PRKDC: variants seen among roughly 807,000 people sequenced by gnomAD.
PRKDC encodes protein kinase, DNA-activated, catalytic subunit.
A neutral mutation model predicts 486.9 loss-of-function variants in PRKDC; 82 were observed. The observed-to-expected ratio is 0.17, with a 90% CI of 0.14 to 0.20. The LOEUF (loss-of-function observed/expected upper bound fraction) is 0.20. Among genes scored for constraint, PRKDC ranks in the 10% least tolerant of loss-of-function variants. PRKDC has a pLI of 1.00. For missense variants in PRKDC, 4,504 were observed against 5,038.2 expected (o/e 0.89, Z 3.21); for synonymous variants, 1,895 against 1,837.0 (o/e 1.03, Z -0.81).
chr8:47,850,176 T>A (rs1432107897), intron 52 of PRKDC, among the ~76,000 whole-genome samples: 2 of 152,182 alleles, frequency 1.3e-5, no homozygotes, highest in African/African-American at 4.8e-5. Context: ...TAGAGTCCAC[T>A]GGCAGGAAGC....
chr8:47,774,883 C>T (rs1050368795), intron 85 of PRKDC, among the ~76,000 whole-genome samples: 1 of 152,092 alleles, frequency 6.6e-6, no homozygotes, highest in Non-Finnish European at 1.5e-5. Flanking sequence ...CTGCCTTGGC[C>T]TCCCAAAGTG....
At chr8:47,841,415 C>A (rs1389525918) in intron 54 of PRKDC, among the ~76,000 whole-genome samples, 3 of 152,164 alleles carry the variant, frequency 2.0e-5, no homozygotes, top group Non-Finnish European at 2.9e-5. Context: ...TATCTGTCAA[C>A]TTCCCAGGCA....
chr8:47,904,888 G>A lies in PRKDC; in HGVS notation c.3023C>T (p.Ala1008Val), dbSNP rs2154502450. The change falls in exon 26 of 86, where the codon GCC becomes GTC. Residue 1008 changes from alanine (A) to valine (V), a missense_variant. Ala to Val is a moderately conservative substitution (Grantham distance 64, BLOSUM62 0). Coordinates refer to ENST00000314191, the MANE Select transcript of PRKDC (RefSeq NM_006904.7). ...ACTTACCAATATAGCTTCTAGTAAG[G>A]CAACAGTATCCTGACTTTCAAATTT... Reference protein sequence around the residue: ...NKKFESQDTVALLEAILDGIV... With the variant: ...NKKFESQDTVVLLEAILDGIV... The A allele has an allele frequency of 6.2e-7, 1 of 1,608,632 alleles. No homozygotes were observed. The highest frequency in any genetic ancestry group is 2.2e-5 in the East Asian group (1 of 44,788).
In PRKDC at chr8:47,889,316, C is replaced by CTAAG. The variant is rs2089406306; in HGVS notation, c.4072-98_4072-95dup. On this transcript the variant is annotated intron_variant, in intron 32 of 85. Transcript: ENST00000314191. ...CACAAGGTTGGGAACTTCTGCCTGA[C>CTAAG]TAAGGGAGAGGTGGGCAGAGTTTCT... The CTAAG allele has an allele frequency of 9.3e-6, 10 of 1,080,078 alleles. No individual in the cohort carries two copies. The South Asian group carries it at 1.4e-4, about 15-fold the overall frequency. The allele number at this position is 1,080,078 out of a possible 1,614,324, so 66.9% of individuals were successfully genotyped here.
intron 69 of PRKDC, among the ~76,000 whole-genome samples, chr8:47,804,153 A>C (rs1016356296): frequency 1.3e-5 from 2 of 152,172 alleles, no homozygotes; most frequent in African/African-American, 4.8e-5. Flanking sequence ...TTCTGTAACA[A>C]TGGTATCAGA....
chr8:47,929,426 C>T (rs2090212351), intron 18 of PRKDC, among the ~76,000 whole-genome samples: 1 of 152,238 alleles, frequency 6.6e-6, no homozygotes. Context: ...CCTCATCTCA[C>T]CCTGTAATTA....
intron 59 of PRKDC, among the ~76,000 whole-genome samples, chr8:47,833,600 C>G (rs1029048020): frequency 7.2e-5 from 11 of 152,112 alleles, no homozygotes; most frequent in African/African-American, 2.2e-4. Flanking sequence ...TTCCTCTGCT[C>G]GGTGCGTTAC....
intron 11 of PRKDC, 106 bp from the exon 12 acceptor site, chr8:47,936,623 C>A: frequency 3.7e-6 from 5 of 1,339,744 alleles, no homozygotes; most frequent in Non-Finnish European, 5.1e-6. Flanking sequence ...TTTAACAAGG[C>A]TTCTTTTTTT....
At chr8:47,922,234 G>A (rs1214373471) in intron 21 of PRKDC, among the ~76,000 whole-genome samples, 3 of 151,940 alleles carry the variant, frequency 2.0e-5, no homozygotes, top group African/African-American at 7.3e-5. Context: ...CCAGGCTTGA[G>A]CAATCCTCCC....
rs1362139770 is a variant in PRKDC, at chr8:47,888,585, G to A, written c.4346C>T (p.Ala1449Val). The A allele has an allele frequency of 2.5e-6, 4 of 1,589,812 alleles. No individual in the cohort carries two copies. Among genetic ancestry groups the A allele is most frequent in the Non-Finnish European group, 3.4e-6 (4 of 1,167,616 alleles). Residue 1449 changes from alanine (A) to valine (V), a missense_variant, in exon 34 of 86, where the codon GCT becomes GTT. Ala to Val is a moderately conservative substitution (Grantham distance 64, BLOSUM62 0). Coordinates refer to ENST00000314191, the MANE Select transcript of PRKDC (RefSeq NM_006904.7). ...CTGTTTACAGGCAGACACAACAGCA[G>A]CCAGCCTGCTCCTGTCCACTTGCGC... The part of the protein sequence containing the change: ...PDAQVDRSRL[A>V]AVVSACKQLH...
intron 68 of PRKDC, among the ~76,000 whole-genome samples, chr8:47,816,255 C>T (rs1330150640): frequency 6.6e-6 from 1 of 152,056 alleles, no homozygotes; most frequent in Non-Finnish European, 1.5e-5. Context: ...CACTGTGCCC[C>T]ACGTGTGATT....
At chr8:47,851,347 A>T (rs577470049) in intron 52 of PRKDC, among the ~76,000 whole-genome samples, 6 of 152,374 alleles carry the variant, frequency 3.9e-5, no homozygotes, top group African/African-American at 1.4e-4. Context: ...ATCTTGTAAA[A>T]AAGTTCTACT....
intron 62 of PRKDC, 102 bp from the exon 63 acceptor site, chr8:47,826,963 G>T: frequency 8.9e-7 from 1 of 1,117,676 alleles, no homozygotes; most frequent in Non-Finnish European, 1.2e-6. Context: ...TACCCATGTG[G>T]GTAGTGATAT....
At position 47,915,293 on chromosome 8, in the gene PRKDC, A is replaced by G. The variant is rs767861207; in HGVS notation, c.2617+35T>C. The G allele has an allele frequency of 6.4e-6, 8 of 1,244,712 alleles. No individual in the cohort carries two copies. In the Admixed American group the frequency reaches 1.8e-4, roughly 28 times the overall value. 77.1% of individuals were successfully genotyped at this position (1,244,712 alleles called of 1,614,324 possible). A position where few individuals can be genotyped will look rare whatever the true frequency, so the allele number is the denominator to read the frequency against. ...TACATCCAAATAAAAGCACAAATATATCTACAGAGGTTATTTATTTTAAAA... is the reference window on the plus strand; with the variant it reads ...TACATCCAAATAAAAGCACAAATATGTCTACAGAGGTTATTTATTTTAAAA... On this transcript the variant is annotated intron_variant, in intron 23 of 85. Coordinates refer to ENST00000314191, the MANE Select transcript of PRKDC (RefSeq NM_006904.7).
chr8:47,913,600 C>T (rs532843929), intron 24 of PRKDC, among the ~76,000 whole-genome samples: 2 of 152,116 alleles, frequency 1.3e-5, no homozygotes, highest in African/African-American at 4.8e-5. Context: ...ACCATGTTGG[C>T]CAGGCTGGTC....
At chr8:47,793,367 C>T (rs1197625461) in intron 74 of PRKDC, among the ~76,000 whole-genome samples, 10 of 152,154 alleles carry the variant, frequency 6.6e-5, no homozygotes, top group African/African-American at 2.4e-4. Context: ...TGGTGGCTCA[C>T]GCCTGTAATC....
At chr8:47,800,524 G>A (rs1040592769) in intron 71 of PRKDC, among the ~76,000 whole-genome samples, 1 of 151,574 alleles carries the variant, frequency 6.6e-6, no homozygotes, top group Non-Finnish European at 1.5e-5. Context: ...TGAGTTAATG[G>A]GTGCAGCACA....
At chr8:47,810,033 A>G (rs928174643) in intron 68 of PRKDC, among the ~76,000 whole-genome samples, 1 of 152,198 alleles carries the variant, frequency 6.6e-6, no homozygotes, top group Non-Finnish European at 1.5e-5. Context: ...AGTTCTGCAC[A>G]TGAACCCACC....
intron 52 of PRKDC, among the ~76,000 whole-genome samples, chr8:47,850,474 G>T (rs1471323676): frequency 6.6e-6 from 1 of 152,108 alleles, no homozygotes; most frequent in Non-Finnish European, 1.5e-5. Flanking sequence ...CCAGAAAATG[G>T]AAACACTCCT....
Sources: gnomAD v4.1 joint callset for allele counts (sites outside exome capture counted in the v4.1 genomes callset) on GRCh38, gnomAD v4.1.1 for gene constraint, MANE v1.5 for transcripts, NCBI Gene and HGNC (gene_info 2026-07-23, HGNC 2026-07-21) for gene names.